Variants in PLCG2 observed in about 807,000 individuals in gnomAD.
The protein encoded by PLCG2 is 1-phosphatidylinositol 4,5-bisphosphate phosphodiesterase gamma-2.
A neutral mutation model predicts 175.6 loss-of-function variants in PLCG2; 69 were observed. That is an observed-to-expected ratio of 0.39 (90% CI 0.32 to 0.48). The LOEUF is 0.48. Ranked by LOEUF, PLCG2 falls within the 20% of genes least tolerant of loss-of-function variation. The pLI is 0.91. For missense variants in PLCG2, 1,798 were observed against 1,650.9 expected (o/e 1.09, Z -1.54); for synonymous variants, 827 against 624.0 (o/e 1.33, Z -4.85).
At position 81,959,145 on chromosome 16, in the gene PLCG2, C is replaced by T. The variant is rs528570326; in HGVS notation, c.*1147C>T. On this transcript the variant is annotated 3_prime_UTR_variant, in exon 33 of 33. Transcript: ENST00000564138. ...GGAAGGGAGGTGGTTGGTAGAGTCA[C>T]AACTTCTCAATGAGTGAATTTACAG... The T allele has an allele frequency of 8.9e-6, 2 of 224,200 alleles. No individual in the cohort carries two copies. Among genetic ancestry groups the T allele is most frequent in the South Asian group, 3.7e-4 (2 of 5,446 alleles). 13.9% of individuals were successfully genotyped at this position (224,200 alleles called of 1,614,324 possible).
At chr16:81,851,807 C>T (rs1164074756) in intron 2 of PLCG2, among the ~76,000 whole-genome samples, 4 of 152,232 alleles carry the variant, frequency 2.6e-5, no homozygotes, top group African/African-American at 9.6e-5. Flanking sequence ...GCCACCAGTG[C>T]CCGGCTTGTT....
chr16:81,871,215 T>C lies in PLCG2; in HGVS notation c.648+280T>C, dbSNP rs553468668. Among the ~76,000 whole-genome samples the C allele has an allele frequency of 7.2e-5, 11 of 152,352 alleles. No individual in the cohort carries two copies. The South Asian group carries it at 1.9e-3, about 26-fold the overall frequency. Reference sequence around the variant, plus strand: ...GTTTGATTGGAATTTGATCTGAGTCTGTTAAAAAAGTGCAACTCACTCTAC... The same window carrying C: ...GTTTGATTGGAATTTGATCTGAGTCCGTTAAAAAAGTGCAACTCACTCTAC... On this transcript the variant is annotated intron_variant, in intron 7 of 32. Transcript: ENST00000564138.
At chr16:81,877,148 A>ACTCGTG (rs1454003325) in intron 7 of PLCG2, among the ~76,000 whole-genome samples, 1 of 152,092 alleles carries the variant, frequency 6.6e-6, no homozygotes, top group Non-Finnish European at 1.5e-5. Flanking sequence ...AAGTACTGCA[A>ACTCGTG]CTCGTGGCTT....
intron 2 of PLCG2, among the ~76,000 whole-genome samples, chr16:81,771,718 T>A (rs538942557): frequency 7.9e-6 from 1 of 127,180 alleles, no homozygotes; most frequent in South Asian, 2.5e-4. Context: ...AAAAACTAAG[T>A]CCTAAACCCT....
intron 14 of PLCG2, among the ~76,000 whole-genome samples, chr16:81,903,836 G>A (rs558537118): frequency 6.6e-6 from 1 of 152,144 alleles, no homozygotes; most frequent in Non-Finnish European, 1.5e-5. Flanking sequence ...AGTACTGAAG[G>A]CCCCTTTTAG....
intron 11 of PLCG2, among the ~76,000 whole-genome samples, chr16:81,892,907 G>A (rs982883121): frequency 6.6e-6 from 1 of 151,018 alleles, no homozygotes. Flanking sequence ...GAGTGCATTG[G>A]TGCGATCTCA....
chr16:81,877,793 AGATGTCATTGCATCG>A (rs1263470718), intron 7 of PLCG2, among the ~76,000 whole-genome samples: 18 of 150,428 alleles, frequency 1.2e-4, no homozygotes, highest in Non-Finnish European at 2.2e-4. Context: ...CTTGGCTTGT[AGATGTCATTGCATCG>A]CTCCTTGGCT....
chr16:81,789,599 C>T (rs1911136135), intron 2 of PLCG2, among the ~76,000 whole-genome samples: 1 of 152,206 alleles, frequency 6.6e-6, no homozygotes. Flanking sequence ...TCAATTCATT[C>T]TTTTATTTAT....
chr16:81,837,145 A>G (rs1299179756), intron 2 of PLCG2, among the ~76,000 whole-genome samples: 2 of 152,250 alleles, frequency 1.3e-5, no homozygotes, highest in Non-Finnish European at 2.9e-5. Context: ...ACAAAAAAAG[A>G]CAAACTAGCA....
intron 2 of PLCG2, among the ~76,000 whole-genome samples, chr16:81,807,882 G>A (rs543037046): frequency 6.6e-6 from 1 of 152,108 alleles, no homozygotes; most frequent in Non-Finnish European, 1.5e-5. Context: ...TCAACAGCCA[G>A]ATCTCTCAAG....
Position 81,940,103 on chromosome 16 carries a change from G to T in PLCG2, c.3481+44G>T, listed in dbSNP as rs1432497009. 2.6e-6 allele frequency: 4 copies of T among 1,533,294 alleles called. No individual in the cohort carries two copies. The African/African-American group carries it at 5.5e-5, about 21-fold the overall frequency. The allele number at this position is 1,533,294 out of a possible 1,614,324, so 95.0% of individuals were successfully genotyped here. ...AAGATGTTCGATTTGGGCTGGCGTT[G>T]TACTTTGGTTTGGCTGCTGGCTTCA... is the stretch of plus-strand genomic sequence containing the variant. On this transcript the variant is annotated intron_variant, in intron 30 of 32. Transcript: ENST00000564138.
intron 24 of PLCG2, among the ~76,000 whole-genome samples, chr16:81,930,030 C>A (rs1021675128): frequency 2.0e-5 from 3 of 152,156 alleles, no homozygotes; most frequent in Non-Finnish European, 4.4e-5. Flanking sequence ...TCTTAATGAG[C>A]CTCAGTTTTG....
chr16:81,928,686 C>A (rs1235044274), intron 24 of PLCG2, 62 bp downstream of exon 24: 4 of 1,107,602 alleles, frequency 3.6e-6, no homozygotes, highest in Non-Finnish European at 5.6e-6. Flanking sequence ...CTGACCTCAG[C>A]CCCGCCCTAC....
upstream of PLCG2, among the ~76,000 whole-genome samples, chr16:81,774,453 C>A (rs573480598): frequency 1.3e-5 from 2 of 152,356 alleles, no homozygotes; most frequent in African/African-American, 4.8e-5. Context: ...TGAGGCCTAA[C>A]CCCATTGAAA....
At chr16:81,771,343 T>C (rs986445318) in intron 2 of PLCG2, among the ~76,000 whole-genome samples, 15 of 152,206 alleles carry the variant, frequency 9.9e-5, no homozygotes, top group African/African-American at 3.6e-4. Flanking sequence ...TCCTCCCATC[T>C]CAGCCTCCCA....
chr16:81,907,598 C>T lies in PLCG2; in HGVS notation c.1468-87C>T, dbSNP rs963717902. 2.8e-5 allele frequency: 23 copies of T among 809,706 alleles called. No individual in the cohort carries two copies. The African/African-American group carries it at 3.3e-4, about 12-fold the overall frequency. The allele number at this position is 809,706 out of a possible 1,614,324, so 50.2% of individuals were successfully genotyped here. On this transcript the variant is annotated intron_variant, in intron 15 of 32. Transcript: ENST00000564138. ...GGGAAAAGCACATCCATAGTAGATG[C>T]TGGGGTGACGCCCTGCAGGGCTCCT...
chr16:81,921,361 G>A lies in PLCG2; in HGVS notation c.2307+92G>A, dbSNP rs768969726. On this transcript the variant is annotated intron_variant, in intron 21 of 32. Coordinates refer to ENST00000564138, the MANE Select transcript of PLCG2 (RefSeq NM_002661.5). ...TCCCATGGCAGTTATAACAGGGCAA[G>A]GGAAGACTTTGGAAAACCTGGCCAA... The A allele has an allele frequency of 1.0e-5, 9 of 893,274 alleles. No homozygotes were observed. In the South Asian group the frequency reaches 1.2e-4, roughly 12 times the overall value. The allele number at this position is 893,274 out of a possible 1,614,324, so 55.3% of individuals were successfully genotyped here. A position where few individuals can be genotyped will look rare whatever the true frequency, so the allele number is the denominator to read the frequency against.
intron 5 of PLCG2, among the ~76,000 whole-genome samples, chr16:81,868,967 T>C (rs900683468): frequency 3.9e-5 from 6 of 152,226 alleles, no homozygotes; most frequent in South Asian, 4.1e-4. Context: ...GCCCTCCTTA[T>C]TGGGGCATCA....
chr16:81,938,518 G>A, intron 28 of PLCG2: 1 of 448,556 alleles, frequency 2.2e-6, no homozygotes, highest in East Asian at 3.6e-5. Flanking sequence ...AGAGGCACCT[G>A]CTTGGGCATG....
Sources: gnomAD v4.1 joint callset for allele counts (sites outside exome capture counted in the v4.1 genomes callset) on GRCh38, gnomAD v4.1.1 for gene constraint, MANE v1.5 for transcripts, NCBI Gene and HGNC (gene_info 2026-07-23, HGNC 2026-07-21) for gene names.